The following ANKRD44 variants were observed in gnomAD, a reference collection of about 807,000 sequenced individuals.
ANKRD44 encodes ankyrin repeat domain 44.
In ANKRD44, 35 loss-of-function variants were observed where a neutral mutation model predicts 116.0. That is an observed-to-expected ratio of 0.30 (90% confidence interval 0.23 to 0.40). The LOEUF (loss-of-function observed/expected upper bound fraction) is 0.40, where lower values mean the gene tolerates loss of function less well. Among genes scored for constraint, ANKRD44 ranks in the 10% least tolerant of loss-of-function variants. The pLI is 1.00. For missense variants in ANKRD44, 1,014 were observed against 1,242.6 expected, an observed-to-expected ratio of 0.82 and a Z score of 2.77; for synonymous variants, 435 against 461.8, an observed-to-expected ratio of 0.94 and a Z score of 0.74.
At chr2:196,982,554 C>T (rs577870223), downstream of ANKRD44, among the ~76,000 whole-genome samples, 1 of 152,234 alleles carries the variant, frequency 6.6e-6, no homozygotes, top group East Asian at 1.9e-4. Context: ...CATATGATCC[C>T]AGCCCTGGCT....
intron 17 of ANKRD44, chr2:197,016,117 A>G: frequency 5.9e-6 from 2 of 338,582 alleles, no homozygotes; most frequent in Non-Finnish European, 1.2e-5. Flanking sequence ...CATTAGAGGA[A>G]TGGTAAAAAT....
chr2:197,009,102 CT>C, intron 18 of ANKRD44, 71 bp from the exon 19 acceptor site: 87 of 1,360,994 alleles, frequency 6.4e-5, no homozygotes, highest in Middle Eastern at 5.4e-4. Context: ...ATGACTTTTT[CT>C]TTTTTTTGAG....
chr2:197,206,514 C>G (rs2081209939), intron 1 of ANKRD44, among the ~76,000 whole-genome samples: 1 of 152,120 alleles, frequency 6.6e-6, no homozygotes, highest in Non-Finnish European at 1.5e-5. Context: ...CAAAACCCAT[C>G]TCTACTAAAA....
At chr2:197,023,249 C>G (rs759717624) in intron 17 of ANKRD44, among the ~76,000 whole-genome samples, 8 of 152,154 alleles carry the variant, frequency 5.3e-5, no homozygotes, top group Admixed American at 1.3e-4. Flanking sequence ...TGGGTAGGGA[C>G]ACTGAGACAT....
At chr2:197,015,045 C>T (rs1025861171) in intron 17 of ANKRD44, 1 of 239,756 alleles carries the variant, frequency 4.2e-6, no homozygotes, top group African/African-American at 2.3e-5. Context: ...ACAGATGATA[C>T]TTTAAGAGAA....
At chr2:196,967,268 A>G (rs902761760) in exon 22 of ANKRD44, 3 of 294,668 alleles carry the variant, frequency 1.0e-5, no homozygotes, top group Non-Finnish European at 1.5e-5. Flanking sequence ...GTGCTTCCCA[A>G]TCACAGACAG....
chr2:197,005,875 C>G lies in ANKRD44; in HGVS notation c.2166G>C (p.Leu722=). 6.2e-7 allele frequency: 1 copy of G among 1,614,234 alleles called. No individual in the cohort carries two copies. The highest frequency in any genetic ancestry group is 8.5e-7 in the Non-Finnish European group (1 of 1,180,036). The change falls in exon 21 of 28, where the codon CTG becomes CTC. Residue 722 remains leucine, a synonymous_variant. Coordinates refer to ENST00000282272, the MANE Select transcript of ANKRD44 (RefSeq NM_001195144.2). ...AGAGAATTGACACTTCTTGTTCCAG[C>G]AGCATTTGCACACATTCCTCGTGTC... ...MTGHEECVQM[L]LEQEVSILCK... is the part of the protein sequence containing the mutation.
At chr2:197,009,078 C>T (rs1559413862) in intron 18 of ANKRD44, 47 bp from the exon 19 acceptor site, 2 of 1,479,536 alleles carry the variant, frequency 1.4e-6, no homozygotes, top group Non-Finnish European at 1.9e-6. Context: ...CAACACTACA[C>T]ATATCTCTTC....
intron 4 of ANKRD44, among the ~76,000 whole-genome samples, chr2:197,131,349 G>A (rs1228707412): frequency 1.3e-5 from 2 of 151,684 alleles, no homozygotes; most frequent in Non-Finnish European, 2.9e-5. Flanking sequence ...CCGCTACCAC[G>A]CCCGGCTAAT....
intron 18 of ANKRD44, among the ~76,000 whole-genome samples, chr2:197,010,321 G>T (rs566445470): frequency 6.6e-6 from 1 of 151,940 alleles, no homozygotes; most frequent in Non-Finnish European, 1.5e-5. Context: ...CACAGGCGGC[G>T]CTTTCTCTGA....
chr2:197,200,077 C>A (rs1290070630), intron 1 of ANKRD44, among the ~76,000 whole-genome samples: 1 of 152,094 alleles, frequency 6.6e-6, no homozygotes, highest in African/African-American at 2.4e-5. Context: ...TAAAAGACTG[C>A]CAAATATAGT....
intron 21 of ANKRD44, 63 bp downstream of exon 21, chr2:197,005,631 T>A: frequency 6.7e-7 from 1 of 1,484,858 alleles, no homozygotes; most frequent in Non-Finnish European, 9.4e-7. Flanking sequence ...TCACCTCCAC[T>A]GAGCTCACAG....
intron 1 of ANKRD44, among the ~76,000 whole-genome samples, chr2:197,214,092 T>C (rs1184709945): frequency 2.6e-5 from 4 of 152,308 alleles, no homozygotes; most frequent in East Asian, 1.9e-4. Flanking sequence ...GCTATTTTCA[T>C]ATTCTTTACC....
chr2:197,044,705 C>T (rs2076970723), intron 16 of ANKRD44, among the ~76,000 whole-genome samples: 2 of 152,096 alleles, frequency 1.3e-5, no homozygotes, highest in South Asian at 2.1e-4. Context: ...GACATGATCT[C>T]GATGAATGCC....
Position 197,083,479 on chromosome 2 carries a change from A to G in ANKRD44, c.1347T>C (p.Cys449=). The G allele has an allele frequency of 6.2e-7, 1 of 1,613,732 alleles. No individual in the cohort carries two copies. Among genetic ancestry groups the G allele is most frequent in the Non-Finnish European group, 8.5e-7 (1 of 1,179,786 alleles). Residue 449 remains cysteine, a synonymous_variant, in exon 14 of 28, where the codon TGT becomes TGC. Transcript: ENST00000282272. Reference sequence around the variant, plus strand: ...CTAATGTCTCAATACAGTGGAAATGACAATTCGCAGCTGCATAGTGCAAAG... The same window carrying G: ...CTAATGTCTCAATACAGTGGAAATGGCAATTCGCAGCTGCATAGTGCAAAG... The part of the protein sequence containing the change: ...RTPLHYAAAN[C]HFHCIETLVT...
chr2:197,128,704 T>A (rs2079032149), intron 4 of ANKRD44, among the ~76,000 whole-genome samples: 1 of 152,214 alleles, frequency 6.6e-6, no homozygotes, highest in Non-Finnish European at 1.5e-5. Context: ...CATCATGAAA[T>A]CTTTGCCCAT....
intron 3 of ANKRD44, among the ~76,000 whole-genome samples, chr2:197,145,066 C>A (rs1340929511): frequency 6.6e-6 from 1 of 152,052 alleles, no homozygotes; most frequent in African/African-American, 2.4e-5. Context: ...CCAAGGCAGG[C>A]GGATCACAAG....
At chr2:197,102,517 T>C (rs995254193) in intron 9 of ANKRD44, among the ~76,000 whole-genome samples, 7 of 152,234 alleles carry the variant, frequency 4.6e-5, no homozygotes, top group Non-Finnish European at 1.0e-4. Context: ...GGTATCTCTC[T>C]GCAGCTTTCA....
At chr2:196,978,414 T>G (rs1207089732) in intron 21 of ANKRD44, among the ~76,000 whole-genome samples, 1 of 152,170 alleles carries the variant, frequency 6.6e-6, no homozygotes, top group Non-Finnish European at 1.5e-5. Context: ...AATTACCCAA[T>G]CTCAGGTATT....
Sources: allele counts gnomAD v4.1 joint callset (sites outside exome capture counted in the v4.1 genomes callset), GRCh38; gene constraint gnomAD v4.1.1; transcripts MANE v1.5; gene names NCBI Gene and HGNC (gene_info 2026-07-23, HGNC 2026-07-21).